CPAMD8: variants seen among roughly 807,000 people sequenced by gnomAD.
CPAMD8 encodes C3 and PZP-like alpha-2-macroglobulin domain-containing protein 8.
CPAMD8 carries 146 observed loss-of-function variants against 224.7 expected under a neutral mutation model. The observed-to-expected ratio is 0.65, with a 90% confidence interval of 0.57 to 0.75. The LOEUF (loss-of-function observed/expected upper bound fraction) is 0.75, where lower values mean the gene tolerates loss of function less well. CPAMD8 is among the 30% of genes least tolerant of loss of function. The pLI, the probability that CPAMD8 is intolerant of heterozygous loss-of-function variation, is 0.00. For synonymous variants in CPAMD8, 966 were observed against 1,044.6 expected, an observed-to-expected ratio of 0.92 and a Z score of 1.45; for missense variants, 2,301 against 2,537.5, an observed-to-expected ratio of 0.91 and a Z score of 2.00.
intron 22 of CPAMD8, among the ~76,000 whole-genome samples, chr19:16,943,074 A>T (rs1207111459): frequency 5.5e-5 from 8 of 145,382 alleles, no homozygotes; most frequent in Non-Finnish European, 1.2e-4. Context: ...GTGTTGCAAG[A>T]GTCCCTCTGT....
At chr19:17,021,129 A>G (rs562847145) in intron 2 of CPAMD8, among the ~76,000 whole-genome samples, 2 of 152,158 alleles carry the variant, frequency 1.3e-5, no homozygotes, top group African/African-American at 4.8e-5. Flanking sequence ...GAATCCTGGG[A>G]CTTTATCCAG....
intron 29 of CPAMD8, 75 bp downstream of exon 29, chr19:16,914,349 G>T: frequency 8.2e-7 from 1 of 1,218,056 alleles, no homozygotes; most frequent in Non-Finnish European, 1.2e-6. Flanking sequence ...ATCACCCCTG[G>T]CATAAAGGAG....
chr19:16,924,553 A>G (rs2053289902), intron 26 of CPAMD8, among the ~76,000 whole-genome samples: 1 of 152,028 alleles, frequency 6.6e-6, no homozygotes, highest in Non-Finnish European at 1.5e-5. Flanking sequence ...TTCAGCCTAG[A>G]GCAACCCCTG....
Position 16,960,312 on chromosome 19 carries a change from C to T in CPAMD8, c.2214-2397G>A, listed in dbSNP as rs574512338. On this transcript the variant is annotated intron_variant, in intron 18 of 41. Coordinates refer to ENST00000443236, the MANE Select transcript of CPAMD8 (RefSeq NM_015692.5). Reference sequence around the variant, plus strand: ...CCTAGGAGCAGACCCCGGAAACACCCGCAGACGTGTGTGCAAACACAGAGA... The same window carrying T: ...CCTAGGAGCAGACCCCGGAAACACCTGCAGACGTGTGTGCAAACACAGAGA... 5.3e-5 allele frequency among the ~76,000 whole-genome samples: 8 copies of T among 152,320 alleles called. No homozygotes were observed. The East Asian group carries it at 5.8e-4, about 11-fold the overall frequency.
chr19:16,901,745 G>A (rs1042973355), intron 35 of CPAMD8, among the ~76,000 whole-genome samples: 3 of 152,240 alleles, frequency 2.0e-5, no homozygotes, highest in South Asian at 2.1e-4. Flanking sequence ...CGGGGAGGGA[G>A]GTAACTGGGC....
chr19:16,940,515 G>T (rs2053852402), intron 22 of CPAMD8, among the ~76,000 whole-genome samples: 1 of 152,156 alleles, frequency 6.6e-6, no homozygotes, highest in South Asian at 2.1e-4. Context: ...TCATGCTTCA[G>T]AAAGGGTCTG....
chr19:16,962,497 G>T (rs1239663620), intron 18 of CPAMD8, among the ~76,000 whole-genome samples: 5 of 152,172 alleles, frequency 3.3e-5, no homozygotes, highest in Non-Finnish European at 7.3e-5. Context: ...AGAGAAAAAA[G>T]AGTAAAAAGA....
intron 1 of CPAMD8, 28 bp from the exon 2 acceptor site, chr19:17,022,209 T>C (rs1487044693): frequency 3.1e-6 from 5 of 1,601,726 alleles, no homozygotes; most frequent in Admixed American, 3.4e-5. Context: ...CGAGGTGAAG[T>C]TCTCACCCCA....
chr19:16,955,506 G>A (rs750404722), intron 19 of CPAMD8, among the ~76,000 whole-genome samples: 1 of 152,116 alleles, frequency 6.6e-6, no homozygotes, highest in Non-Finnish European at 1.5e-5. Flanking sequence ...TGTTTAATGG[G>A]ACAGAGTGTC....
chr19:17,000,821 G>A (rs1366811567), intron 9 of CPAMD8, among the ~76,000 whole-genome samples: 4 of 152,224 alleles, frequency 2.6e-5, no homozygotes, highest in South Asian at 2.1e-4. Flanking sequence ...GCAGAGTAGT[G>A]CAGAGGCATG....
intron 5 of CPAMD8, among the ~76,000 whole-genome samples, chr19:17,010,397 A>G (rs909469617): frequency 6.6e-6 from 1 of 152,008 alleles, no homozygotes; most frequent in African/African-American, 2.4e-5. Flanking sequence ...ACCATGCTCA[A>G]CTAATTTTTA....
chr19:16,935,645 CT>C (rs2053661255), intron 23 of CPAMD8, among the ~76,000 whole-genome samples: 1 of 152,096 alleles, frequency 6.6e-6, no homozygotes, highest in Non-Finnish European at 1.5e-5. Context: ...AGTCATTCAC[CT>C]GCTGAAGGAC....
At chr19:16,944,024 A>C (rs2053990178) in intron 22 of CPAMD8, among the ~76,000 whole-genome samples, 1 of 152,140 alleles carries the variant, frequency 6.6e-6, no homozygotes, top group Non-Finnish European at 1.5e-5. Flanking sequence ...CCAGCAGGGG[A>C]GCAAGGCAGA....
intron 18 of CPAMD8, among the ~76,000 whole-genome samples, chr19:16,969,830 T>C (rs1840825): frequency 0.3 from 41,974 of 140,396 alleles, 7,084 homozygotes; most frequent in African/African-American, 0.48. Context: ...GCCAAGCTCG[T>C]ACCACTGCAC....
intron 14 of CPAMD8, among the ~76,000 whole-genome samples, chr19:16,978,896 CCCAT>C (rs2055381004): frequency 6.6e-6 from 1 of 151,344 alleles, no homozygotes; most frequent in South Asian, 2.1e-4. Flanking sequence ...CAACCATCCA[CCCAT>C]CCCTCTATTC....
intron 27 of CPAMD8, among the ~76,000 whole-genome samples, chr19:16,918,820 G>A (rs2053060904): frequency 6.6e-6 from 1 of 151,236 alleles, no homozygotes; most frequent in South Asian, 2.1e-4. Flanking sequence ...CACAGATACG[G>A]AGGGCTACCT....
Position 16,952,212 on chromosome 19 carries a change from C to A in CPAMD8, c.2277-12G>T, listed in dbSNP as rs577982809. On this transcript the variant is annotated splice_polypyrimidine_tract_variant and intron_variant, in intron 19 of 41. Coordinates refer to ENST00000443236, the MANE Select transcript of CPAMD8 (RefSeq NM_015692.5). ...CACCAGATGGGTCACTGCGGAGAGA[C>A]AGACAGCCATGATGGGGGGCCCTTC... 5.5e-6 allele frequency: 8 copies of A among 1,442,810 alleles called. No individual in the cohort carries two copies. Among genetic ancestry groups the A allele is most frequent in the Non-Finnish European group, 6.7e-6 (7 of 1,050,208 alleles). 89.4% of individuals were successfully genotyped at this position (1,442,810 alleles called of 1,614,324 possible). A position where few individuals can be genotyped will look rare whatever the true frequency, so the allele number is the denominator to read the frequency against.
At position 17,022,199 on chromosome 19, in the gene CPAMD8, C is replaced by T. The variant is rs374003503; in HGVS notation, c.93-18G>A. Reference sequence around the variant, plus strand: ...AGTAACCCCTGCAGGAAAGGAGATCCGAGGTGAAGTTCTCACCCCAGACCC... The same window carrying T: ...AGTAACCCCTGCAGGAAAGGAGATCTGAGGTGAAGTTCTCACCCCAGACCC... On this transcript the variant is annotated intron_variant, in intron 1 of 41. Transcript: ENST00000443236. 1.8e-5 allele frequency: 29 copies of T among 1,605,502 alleles called. No individual in the cohort carries two copies. The highest frequency in any genetic ancestry group is 2.2e-5 in the South Asian group (2 of 89,638).
At position 16,971,005 on chromosome 19, in the gene CPAMD8, C is replaced by G. The variant is rs1459506469; in HGVS notation, c.2099G>C (p.Arg700Pro). 1.2e-6 allele frequency: 2 copies of G among 1,611,464 alleles called. No individual in the cohort carries two copies. The highest frequency in any genetic ancestry group is 1.1e-5 in the South Asian group (1 of 90,864). Residue 700 changes from arginine to proline, a missense_variant, in exon 18 of 42, where the codon CGA (arginine) becomes CCA (proline). Physicochemically the swap from Arg to Pro is moderately radical, Grantham distance 103. This residue lies in a region of CPAMD8 where 1,709 missense variants were observed against 1,753.2 expected (regional missense o/e 0.97). Transcript: ENST00000443236. Reference sequence around the variant, plus strand: ...GTCCTGCCGGTGGTTCAGGCTCACTCGGTCGGTCATCACCACCAGTCCCGT... The same window carrying G: ...GTCCTGCCGGTGGTTCAGGCTCACTGGGTCGGTCATCACCACCAGTCCCGT... Reference protein sequence around the residue: ...TETGLVVMTDRVSLNHRQDGG... With the variant: ...TETGLVVMTDPVSLNHRQDGG...
Sources: allele counts gnomAD v4.1 joint callset (sites outside exome capture counted in the v4.1 genomes callset), GRCh38; gene constraint gnomAD v4.1.1; regional missense constraint gnomAD v4.1.1; transcripts MANE v1.5; gene names NCBI Gene and HGNC (gene_info 2026-07-23, HGNC 2026-07-21).